The following HPGDS variants were observed in gnomAD, a reference collection of about 807,000 sequenced individuals.
HPGDS encodes the protein GST class-sigma.
In HPGDS, 26 loss-of-function variants were observed where a neutral mutation model predicts 23.1. The ratio of observed to expected loss-of-function variants is 1.13; its 90% CI spans 0.83 to 1.56. The LOEUF is 1.56. Ranked by LOEUF, HPGDS falls within the 40% of genes most tolerant of loss-of-function variation. The probability of loss-of-function intolerance (pLI) is 0.00; values close to 1 mark genes in which losing one functional copy is unlikely to be tolerated. For missense variants in HPGDS, 268 were observed against 236.4 expected (o/e 1.13, Z -0.88); for synonymous variants, 95 against 77.9 (o/e 1.22, Z -1.16).
At chr4:94,320,895 G>C (rs1294604204) in intron 2 of HPGDS, among the ~76,000 whole-genome samples, 1 of 152,174 alleles carries the variant, frequency 6.6e-6, no homozygotes, top group Non-Finnish European at 1.5e-5. Flanking sequence ...TATGGTTTTA[G>C]GTCTGACATT....
intron 2 of HPGDS, among the ~76,000 whole-genome samples, chr4:94,319,845 T>C (rs1756468034): frequency 1.3e-5 from 2 of 152,164 alleles, no homozygotes; most frequent in African/African-American, 4.8e-5. Flanking sequence ...ATGTGCCATG[T>C]TGGTGTGCTG....
intron 3 of HPGDS, among the ~76,000 whole-genome samples, chr4:94,317,407 G>C (rs374588550): frequency 1.3e-4 from 20 of 152,274 alleles, no homozygotes; most frequent in African/African-American, 4.8e-4. Context: ...AGTTTCCTCA[G>C]ATGGCACTGA....
At chr4:94,341,333 G>A (rs1159963674) in intron 1 of HPGDS, among the ~76,000 whole-genome samples, 1 of 152,058 alleles carries the variant, frequency 6.6e-6, no homozygotes, top group Non-Finnish European at 1.5e-5. Context: ...TGCTGTAAAA[G>A]CACAGTAAAA....
chr4:94,329,287 G>C (rs1756692502), intron 2 of HPGDS, among the ~76,000 whole-genome samples: 1 of 152,110 alleles, frequency 6.6e-6, no homozygotes, highest in African/African-American at 2.4e-5. Context: ...AATTGCCCTG[G>C]TCACACACCT....
chr4:94,331,804 G>A (rs767592380), intron 2 of HPGDS, among the ~76,000 whole-genome samples: 2 of 152,132 alleles, frequency 1.3e-5, no homozygotes, highest in Admixed American at 1.3e-4. Flanking sequence ...TTCTAGGGAC[G>A]AGAAGGGATA....
chr4:94,303,571 G>GTA (rs1268534072), intron 4 of HPGDS, among the ~76,000 whole-genome samples: 2 of 152,134 alleles, frequency 1.3e-5, no homozygotes, highest in African/African-American at 2.4e-5. Flanking sequence ...TCTGTGGTCA[G>GTA]TATGTTCATA....
chr4:94,315,848 TC>T (rs1448859870), intron 3 of HPGDS, among the ~76,000 whole-genome samples: 10 of 152,200 alleles, frequency 6.6e-5, no homozygotes, highest in Non-Finnish European at 1.2e-4. Flanking sequence ...TACTTTGACT[TC>T]CACCTCAAGG....
chr4:94,325,071 C>T (rs1045914329), intron 2 of HPGDS, among the ~76,000 whole-genome samples: 1 of 152,204 alleles, frequency 6.6e-6, no homozygotes, highest in Non-Finnish European at 1.5e-5. Context: ...ACCCTGTTTG[C>T]CATTATATCA....
At chr4:94,328,818 AAG>A (rs1484469451) in intron 2 of HPGDS, among the ~76,000 whole-genome samples, 1 of 152,204 alleles carries the variant, frequency 6.6e-6, no homozygotes, top group Admixed American at 6.5e-5. Flanking sequence ...ATTATTTTAA[AAG>A]AGAGAAAATA....
At chr4:94,300,173 G>T (rs1228682760) in intron 5 of HPGDS, among the ~76,000 whole-genome samples, 1 of 152,022 alleles carries the variant, frequency 6.6e-6, no homozygotes, top group Non-Finnish European at 1.5e-5. Context: ...ATCTTACCTT[G>T]TTCCTTTGTA....
At chr4:94,340,345 T>C in intron 1 of HPGDS, among the ~76,000 whole-genome samples, 2 of 72,570 alleles carry the variant, frequency 2.8e-5, no homozygotes, top group African/African-American at 6.2e-5. Context: ...TTTTTTTTTT[T>C]TTTTTTTTTT....
intron 2 of HPGDS, among the ~76,000 whole-genome samples, chr4:94,327,127 C>G (rs986826456): frequency 2.6e-5 from 4 of 151,760 alleles, no homozygotes; most frequent in Admixed American, 2.6e-4. Flanking sequence ...TTCCTAGGCC[C>G]CTGAATGGGA....
At chr4:94,326,964 A>G (rs944433965) in intron 2 of HPGDS, among the ~76,000 whole-genome samples, 2 of 151,916 alleles carry the variant, frequency 1.3e-5, no homozygotes, top group Admixed American at 1.3e-4. Flanking sequence ...TGATTTCTTC[A>G]GCTATAGTCA....
chr4:94,307,568 G>A (rs537482397), intron 4 of HPGDS, among the ~76,000 whole-genome samples: 5 of 152,234 alleles, frequency 3.3e-5, no homozygotes, highest in African/African-American at 9.6e-5. Context: ...CCATAGAATG[G>A]CATCACTGGA....
At position 94,308,669 on chromosome 4, in the gene HPGDS, A is replaced by T; in HGVS notation, c.301T>A (p.Cys101Ser). The T allele has an allele frequency of 6.2e-7, 1 of 1,608,262 alleles. No homozygotes were observed. Among genetic ancestry groups the T allele is most frequent in the Non-Finnish European group, 8.5e-7 (1 of 1,175,828 alleles). The change falls in exon 4 of 6, where the codon TGT (cysteine) becomes AGT (serine). Residue 101 changes from cysteine (C) to serine (S), a missense_variant. By Grantham distance (112) the Cys-to-Ser change is moderately radical. Coordinates refer to ENST00000295256, the MANE Select transcript of HPGDS (RefSeq NM_014485.3). The part of the protein sequence containing the change: ...IVDTLDDFMS[C>S]FPWAEKKQDV... ...TGCTTTTTCTCTGCCCAAGGAAAAC[A>T]TGACATGAAATCATCCAGAGTGTCC...
At chr4:94,302,378 T>G (rs1360255675) in intron 4 of HPGDS, 134 bp from the exon 5 acceptor site, 1 of 620,904 alleles carries the variant, frequency 1.6e-6, no homozygotes, top group Non-Finnish European at 2.8e-6. Context: ...GATTTTTTAT[T>G]CAAATTTATG....
chr4:94,303,612 T>C (rs1579424922), intron 4 of HPGDS, among the ~76,000 whole-genome samples: 1 of 152,258 alleles, frequency 6.6e-6, no homozygotes, highest in Middle Eastern at 3.4e-3. Flanking sequence ...TATGAGTCTT[T>C]CTGCTGCTTA....
At chr4:94,332,302 G>A (rs376337629) in intron 2 of HPGDS, among the ~76,000 whole-genome samples, 9 of 152,238 alleles carry the variant, frequency 5.9e-5, no homozygotes, top group African/African-American at 2.2e-4. Flanking sequence ...GTAGTTCTTC[G>A]GACGCTGGAC....
intron 5 of HPGDS, 26 bp downstream of exon 5, chr4:94,302,120 T>G: frequency 6.5e-7 from 1 of 1,531,620 alleles, no homozygotes; most frequent in Non-Finnish European, 9.0e-7. Context: ...TTTGCTTGAA[T>G]TTTTTAAGAT....
Sources: gnomAD v4.1 joint callset for allele counts (sites outside exome capture counted in the v4.1 genomes callset) on GRCh38, gnomAD v4.1.1 for gene constraint, MANE v1.5 for transcripts, NCBI Gene and HGNC (gene_info 2026-07-23, HGNC 2026-07-21) for gene names.